SCN3A: variants seen among roughly 807,000 people sequenced by gnomAD.
SCN3A encodes sodium channel protein type 3 subunit alpha.
In SCN3A, 60 loss-of-function variants were observed where a neutral mutation model predicts 187.6. The observed-to-expected ratio is 0.32, with a 90% CI of 0.26 to 0.40. The LOEUF (loss-of-function observed/expected upper bound fraction) is 0.40, where lower values mean the gene tolerates loss of function less well. SCN3A is among the 10% of genes least tolerant of loss of function. SCN3A has a pLI of 1.00. For missense variants in SCN3A, 1,601 were observed against 2,428.2 expected, an observed-to-expected ratio of 0.66 and a Z score of 7.16; for synonymous variants, 788 against 829.2, an observed-to-expected ratio of 0.95 and a Z score of 0.85.
In SCN3A at chr2:165,089,904, A is replaced by G; in HGVS notation, c.*246T>C. ...AACTATCCCTATAGTCTAGGTAGCC[A>G]TTGGGTTTCTCCTCAGCAGTGTCAG... is the stretch of plus-strand genomic sequence containing the variant. On this transcript the variant is annotated 3_prime_UTR_variant, in exon 28 of 28. Coordinates refer to ENST00000283254, the MANE Select transcript of SCN3A (RefSeq NM_006922.4). 1.9e-6 allele frequency: 1 copy of G among 526,278 alleles called. No homozygotes were observed. The highest frequency in any genetic ancestry group is 3.4e-6 in the Non-Finnish European group (1 of 295,032). The allele number at this position is 526,278 out of a possible 1,614,324, so 32.6% of individuals were successfully genotyped here.
At chr2:165,131,565 A>G (rs1687320830) in intron 15 of SCN3A, 148 bp from the exon 16 acceptor site, 1 of 412,948 alleles carries the variant, frequency 2.4e-6, no homozygotes, top group East Asian at 4.1e-5. Context: ...TAGTTTTTTT[A>G]TTTTCATTTT....
intron 15 of SCN3A, among the ~76,000 whole-genome samples, chr2:165,135,573 T>A (rs1687615570): frequency 1.3e-5 from 2 of 152,138 alleles, no homozygotes; most frequent in South Asian, 4.1e-4. Flanking sequence ...TAAGTCAGCT[T>A]AGCACCAATG....
intron 21 of SCN3A, among the ~76,000 whole-genome samples, chr2:165,101,603 A>G (rs1274119712): frequency 6.6e-6 from 1 of 152,226 alleles, no homozygotes; most frequent in Non-Finnish European, 1.5e-5. Flanking sequence ...TTGAATGACC[A>G]TCTTCTCAGT....
Position 165,104,551 on chromosome 2 carries a change from G to GA in SCN3A, c.3844-4128dup, listed in dbSNP as rs562278618. Among the ~76,000 whole-genome samples the GA allele has an allele frequency of 2.5e-3, 344 of 136,822 alleles. 1 individual carries two copies. Among genetic ancestry groups the GA allele is most frequent in the African/African-American group, 6.3e-3 (236 of 37,260 alleles). 89.8% of individuals were successfully genotyped at this position (136,822 alleles called of 152,430 possible). A position where few individuals can be genotyped will look rare whatever the true frequency, so the allele number is the denominator to read the frequency against. ...AACAAAATTCTCCAACTAAAAAACTGAAAAAAAAAAGCCCGGAATATTTTT... is the reference window on the plus strand; with the variant it reads ...AACAAAATTCTCCAACTAAAAAACTGAAAAAAAAAAAGCCCGGAATATTTTT... On this transcript the variant is annotated intron_variant, in intron 21 of 27. Transcript: ENST00000283254.
chr2:165,096,080 T>C (rs1685352320), intron 24 of SCN3A, among the ~76,000 whole-genome samples: 1 of 152,144 alleles, frequency 6.6e-6, no homozygotes, highest in African/African-American at 2.4e-5. Flanking sequence ...ATTTTCTAAA[T>C]TGAGTGTCCC....
At chr2:165,112,220 A>G (rs1686154522) in intron 21 of SCN3A, among the ~76,000 whole-genome samples, 1 of 152,214 alleles carries the variant, frequency 6.6e-6, no homozygotes, top group South Asian at 2.1e-4. Flanking sequence ...ATAAAAAAAC[A>G]GGCTGCACGT....
rs2105762955 is a variant in SCN3A at position 165,127,876 on chromosome 2, A to T, written c.3148T>A (p.Ser1050Thr). Residue 1050 changes from serine (S) to threonine (T), a missense_variant, in exon 18 of 28, where the codon TCC (serine) becomes ACC (threonine). By Grantham distance (58) the Ser-to-Thr change is moderately conservative (BLOSUM62 1). This residue lies in a region of SCN3A where 267 missense variants were observed against 313.2 expected (regional missense o/e 0.85). Transcript: ENST00000283254. Reference protein sequence around the residue: ...HEGNKIDSCMSNNTGIEISKE... With the variant: ...HEGNKIDSCMTNNTGIEISKE... ...CTTATTTCAATTCCAGTATTATTGG[A>T]CATGCAGCTGTCTATCTTATTGCCT... is the stretch of plus-strand genomic sequence containing the variant. The T allele has an allele frequency of 6.2e-7, 1 of 1,614,150 alleles. No homozygotes were observed. The highest frequency in any genetic ancestry group is 8.5e-7 in the Non-Finnish European group (1 of 1,180,034).
intron 21 of SCN3A, among the ~76,000 whole-genome samples, chr2:165,109,194 G>T (rs541570874): frequency 6.6e-6 from 1 of 151,936 alleles, no homozygotes; most frequent in African/African-American, 2.4e-5. Context: ...GTTCTCCTTT[G>T]CCCAACTTCT....
At chr2:165,138,284 G>A (rs1472326517) in intron 14 of SCN3A, among the ~76,000 whole-genome samples, 167 bp from the exon 15 acceptor site, 1 of 152,154 alleles carries the variant, frequency 6.6e-6, no homozygotes, top group African/African-American at 2.4e-5. Flanking sequence ...TTCAGAAAAT[G>A]TTAATTAAAA....
In SCN3A at chr2:165,090,144, T is replaced by C. The variant is rs750072939; in HGVS notation, c.*6A>G. ...ATTGATCACAAAGATAATTCTTTGTTTCTTTTTACTTTTGATTTTCTCTGA... is the reference window on the plus strand; with the variant it reads ...ATTGATCACAAAGATAATTCTTTGTCTCTTTTTACTTTTGATTTTCTCTGA... On this transcript the variant is annotated 3_prime_UTR_variant, in exon 28 of 28. Coordinates refer to ENST00000283254, the MANE Select transcript of SCN3A (RefSeq NM_006922.4). This position sits in a 1 kb window ranked among gnomAD's most constrained non-coding sequence, Gnocchi z 4.0. 1.3e-6 allele frequency: 2 copies of C among 1,567,962 alleles called. No individual in the cohort carries two copies. Among genetic ancestry groups the C allele is most frequent in the Non-Finnish European group, 1.7e-6 (2 of 1,152,816 alleles).
intron 18 of SCN3A, among the ~76,000 whole-genome samples, chr2:165,115,844 A>G (rs1462788476): frequency 1.3e-5 from 2 of 152,222 alleles, no homozygotes; most frequent in African/African-American, 4.8e-5. Context: ...TAACTTGTTT[A>G]ATGATCTGCA....
chr2:165,201,868 A>G (rs181963193), intron 1 of SCN3A, among the ~76,000 whole-genome samples: 1 of 152,210 alleles, frequency 6.6e-6, no homozygotes, highest in Admixed American at 6.5e-5. Flanking sequence ...AATCCAAATA[A>G]ATGAGGATCA....
chr2:165,176,893 C>T (rs886821168), intron 2 of SCN3A, among the ~76,000 whole-genome samples: 4 of 152,104 alleles, frequency 2.6e-5, no homozygotes, highest in Admixed American at 2.6e-4. Flanking sequence ...CTTTTCATAA[C>T]TTTGTAACTC....
chr2:165,113,045 A>C lies in SCN3A; in HGVS notation c.3683T>G (p.Ile1228Arg). The C allele has an allele frequency of 6.2e-7, 1 of 1,611,832 alleles. No individual in the cohort carries two copies. ...LSSGALAFED[I>R]YIEQRKTIKT... ...GATAGTCTTTCGCTGTTCAATGTATATATCTTCAAAGGCCTATGAATCAAA... is the reference window on the plus strand; with the variant it reads ...GATAGTCTTTCGCTGTTCAATGTATCTATCTTCAAAGGCCTATGAATCAAA... The change falls in exon 21 of 28, where the codon ATA becomes AGA. Residue 1228 changes from isoleucine to arginine, a missense_variant. Physicochemically the swap from Ile to Arg is moderately conservative, Grantham distance 97. This residue lies in a region of SCN3A where 267 missense variants were observed against 313.2 expected (regional missense o/e 0.85). Transcript: ENST00000283254.
Position 165,197,823 on chromosome 2 carries a change from A to G in SCN3A, c.-248+6000T>C, listed in dbSNP as rs1692061711. 2.0e-5 allele frequency among the ~76,000 whole-genome samples: 3 copies of G among 151,982 alleles called. 1 individual carries two copies. The highest frequency in any genetic ancestry group is 2.0e-4 in the Admixed American group (3 of 15,222). ...CCTGTTCTTCCAAAGCTAATTTAAT[A>G]GTTTACATTAATTTTTGGTATAAAT... On this transcript the variant is annotated intron_variant, in intron 1 of 27. Transcript: ENST00000283254.
Position 165,087,588 on chromosome 2 carries a change from C to G in SCN3A, c.*2562G>C, listed in dbSNP as rs147539071. On this transcript the variant is annotated 3_prime_UTR_variant, in exon 28 of 28. Coordinates refer to ENST00000283254, the MANE Select transcript of SCN3A (RefSeq NM_006922.4). ...AAATACATATTTAGATCCAAATTGTCTTTAAAAATATGCATTACAACTGGA... is the reference window on the plus strand; with the variant it reads ...AAATACATATTTAGATCCAAATTGTGTTTAAAAATATGCATTACAACTGGA... 6.6e-6 allele frequency: 1 copy of G among 152,040 alleles called. No individual in the cohort carries two copies. The highest frequency in any genetic ancestry group is 6.6e-5 in the Admixed American group (1 of 15,258). 9.4% of individuals were successfully genotyped at this position (152,040 alleles called of 1,614,324 possible).
intron 4 of SCN3A, among the ~76,000 whole-genome samples, chr2:165,169,463 A>G (rs1040291201): frequency 6.6e-6 from 1 of 151,924 alleles, no homozygotes; most frequent in Non-Finnish European, 1.5e-5. Context: ...TCCACATTAT[A>G]CCTAAACAGA....
chr2:165,115,224 TTTTC>T (rs1387161529), intron 19 of SCN3A, among the ~76,000 whole-genome samples: 4 of 146,946 alleles, frequency 2.7e-5, no homozygotes, highest in East Asian at 4.1e-4. Context: ...CTAATTTATT[TTTTC>T]TTTCTTTATT....
At chr2:165,149,543 C>T (rs1031435990) in intron 11 of SCN3A, among the ~76,000 whole-genome samples, 2 of 152,172 alleles carry the variant, frequency 1.3e-5, no homozygotes, top group Non-Finnish European at 2.9e-5. Context: ...TAACTCAAAA[C>T]CAAAACAGAT....
Sources: gnomAD v4.1 joint callset for allele counts (sites outside exome capture counted in the v4.1 genomes callset) on GRCh38, gnomAD v4.1.1 for gene constraint, gnomAD v4.1.1 regional missense constraint, Gnocchi (gnomAD v3.1) non-coding constraint, MANE v1.5 for transcripts, NCBI Gene and HGNC (gene_info 2026-07-23, HGNC 2026-07-21) for gene names.